MZT2A: variants seen among roughly 807,000 people sequenced by gnomAD.
MZT2A encodes the protein mitotic spindle organizing protein 2A, also known as mitotic-spindle organizing protein 2A.
Under a neutral mutation model 12.4 loss-of-function variants are expected in MZT2A, and 8 were observed. The observed-to-expected ratio is 0.64, with a 90% CI of 0.38 to 1.16. The LOEUF (loss-of-function observed/expected upper bound fraction) is 1.16, where lower values mean the gene tolerates loss of function less well. MZT2A is among the 50% of genes most tolerant of loss of function. The pLI is 0.01. For synonymous variants in MZT2A, 88 were observed against 107.5 expected (o/e 0.82, Z 1.12); for missense variants, 181 against 223.6 (o/e 0.81, Z 1.22).
At position 131,471,960 on chromosome 2, in the gene MZT2A, T is replaced by G; in HGVS notation, c.393+108A>C. The G allele has an allele frequency of 2.9e-6, 3 of 1,051,780 alleles. No homozygotes were observed. The South Asian group carries it at 4.7e-5, about 17-fold the overall frequency. The allele number at this position is 1,051,780 out of a possible 1,614,324, so 65.2% of individuals were successfully genotyped here. On this transcript the variant is annotated intron_variant and NMD_transcript_variant, in intron 3 of 4. Transcript: ENST00000427024. ...GTTGTCCTGCGTGCAGCAGGGACAG[T>G]CCATGAGCAGGAGTCCCAAGGAGGT...
rs185444631 is a variant in MZT2A, at chr2:131,484,868, G to A, written c.320-650C>T. 3.6e-3 allele frequency among the ~76,000 whole-genome samples: 545 copies of A among 152,322 alleles called. 7 individuals are homozygous for A. Among genetic ancestry groups the A allele is most frequent in the African/African-American group, 0.012 (515 of 41,568 alleles). ...CTTGAGACTTTCCTTCTGAACACCA[G>A]AGGCTCTCTCGGATGAAGACCACAG... On this transcript the variant is annotated intron_variant, in intron 2 of 2. Coordinates refer to ENST00000309451, the MANE Select transcript of MZT2A (RefSeq NM_001085365.2).
chr2:131,483,110 C>T (rs1179282174), downstream of MZT2A, among the ~76,000 whole-genome samples: 2 of 152,128 alleles, frequency 1.3e-5, no homozygotes, highest in East Asian at 3.9e-4. Context: ...AATAGTGTTT[C>T]TTCAAAGCCA....
At chr2:131,471,756 G>A (rs1704990881) in intron 3 of MZT2A, among the ~76,000 whole-genome samples, 1 of 151,346 alleles carries the variant, frequency 6.6e-6, no homozygotes, top group Non-Finnish European at 1.5e-5. Flanking sequence ...GCGGGGCTGG[G>A]GGAGTTGCTG....
Position 131,471,119 on chromosome 2 carries a change from C to G in MZT2A, c.394-776G>C, listed in dbSNP as rs1312994319. On this transcript the variant is annotated intron_variant and NMD_transcript_variant, in intron 3 of 4. Transcript: ENST00000427024. ...AGACTGGAAGTGACGAGACCTGGAGCAAGCTGGCAGGGCGGCTCCCACATG... is the reference window on the plus strand; with the variant it reads ...AGACTGGAAGTGACGAGACCTGGAGGAAGCTGGCAGGGCGGCTCCCACATG... Among the ~76,000 whole-genome samples, 3 of 138,402 alleles carry G rather than the reference C, an allele frequency of 2.2e-5. 1 individual carries two copies. Among genetic ancestry groups the G allele is most frequent in the South Asian group, 4.2e-4 (2 of 4,766 alleles). 90.8% of individuals were successfully genotyped at this position (138,402 alleles called of 152,430 possible).
downstream of MZT2A, chr2:131,480,842 C>G (rs1428040547): frequency 2.6e-6 from 4 of 1,521,544 alleles, no homozygotes; most frequent in African/African-American, 1.4e-5. Flanking sequence ...GGAGATTATC[C>G]CTGTTCCATG....
At chr2:131,482,605 G>A (rs1402777356), downstream of MZT2A, 3 of 1,613,968 alleles carry the variant, frequency 1.9e-6, no homozygotes, top group Non-Finnish European at 2.5e-6. Context: ...ACCTGGCCAA[G>A]GTGCAGCGGG....
upstream of MZT2A, chr2:131,492,796 G>GGGGGGGC: frequency 2.3e-6 from 2 of 853,282 alleles, no homozygotes; most frequent in Non-Finnish European, 3.5e-6. Context: ...GGGGTGGGGG[G>GGGGGGGC]CACTAATCAA....
downstream of MZT2A, among the ~76,000 whole-genome samples, chr2:131,483,386 A>T (rs1439706752): frequency 6.6e-6 from 1 of 152,128 alleles, no homozygotes; most frequent in Non-Finnish European, 1.5e-5. Context: ...CAACACACCC[A>T]TGCTGACCCC....
intron 3 of MZT2A, chr2:131,471,945 G>A (rs535988608): frequency 9.3e-5 from 84 of 902,624 alleles, no homozygotes; most frequent in East Asian, 1.4e-4. Flanking sequence ...GTTGTCCTGC[G>A]TGCAGCAGGG....
downstream of MZT2A, among the ~76,000 whole-genome samples, chr2:131,481,561 A>G (rs1294998808): frequency 1.3e-5 from 2 of 151,588 alleles, no homozygotes; most frequent in African/African-American, 4.9e-5. Context: ...CAGCCTCCCA[A>G]GTAGCTGGGA....
Position 131,492,313 on chromosome 2 carries a change from G to A in MZT2A, c.64C>T (p.Arg22Trp), listed in dbSNP as rs575847963. The A allele has an allele frequency of 2.0e-6, 3 of 1,532,282 alleles. No individual in the cohort carries two copies. The highest frequency in any genetic ancestry group is 2.5e-5 in the East Asian group (1 of 39,794). The allele number at this position is 1,532,282 out of a possible 1,614,324, so 94.9% of individuals were successfully genotyped here. The change falls in exon 1 of 3, where the codon CGG (arginine) becomes TGG (tryptophan). Residue 22 changes from arginine to tryptophan, a missense_variant. Physicochemically the swap from Arg to Trp is moderately radical, Grantham distance 101. Coordinates refer to ENST00000309451, the MANE Select transcript of MZT2A (RefSeq NM_001085365.2). ...SAAPPGLEAA[R>W]QKLALRRKKV... ...TTGCGCCGCAGCGCCAGCTTCTGCC[G>A]GGCCGCCTCCAGCCCCGGGGGCGCC...
downstream of MZT2A, chr2:131,482,427 G>C: frequency 7.1e-7 from 1 of 1,413,802 alleles, no homozygotes; most frequent in Non-Finnish European, 9.4e-7. Context: ...GCTTAGTGAC[G>C]TTTGTGAGGT....
chr2:131,479,352 C>A (rs1158541089), downstream of MZT2A: 4 of 1,614,044 alleles, frequency 2.5e-6, no homozygotes, highest in Non-Finnish European at 3.4e-6. Context: ...CCACCCGGAG[C>A]AGCTGATCAC....
intron 2 of MZT2A, among the ~76,000 whole-genome samples, chr2:131,485,571 C>T (rs990627031): frequency 3.3e-5 from 5 of 152,252 alleles, no homozygotes; most frequent in African/African-American, 9.6e-5. Context: ...ACCACCCTGG[C>T]ATTAAGTGTT....
chr2:131,492,810 C>T (rs1320170546), upstream of MZT2A: 11 of 1,430,736 alleles, frequency 7.7e-6, no homozygotes, highest in Admixed American at 4.3e-5. Context: ...TAATCAACAA[C>T]CCTGCTTACG....
At chr2:131,488,704 C>A (rs1218402682) in intron 2 of MZT2A, among the ~76,000 whole-genome samples, 1 of 152,164 alleles carries the variant, frequency 6.6e-6, no homozygotes, top group African/African-American at 2.4e-5. Flanking sequence ...CTCAGCAGCA[C>A]ACGTCTGCCC....
chr2:131,491,407 A>G (rs947801544), intron 2 of MZT2A: 11 of 277,512 alleles, frequency 4.0e-5, no homozygotes, highest in South Asian at 1.2e-4. Flanking sequence ...TGGATGCTGT[A>G]TACCACAGGA....
At chr2:131,490,070 C>G (rs1189803508) in intron 2 of MZT2A, 2 of 854,586 alleles carry the variant, frequency 2.3e-6, no homozygotes, top group East Asian at 2.6e-4. Flanking sequence ...CCTCTCCACC[C>G]TCTCTTGGGC....
upstream of MZT2A, chr2:131,493,023 C>G: frequency 6.7e-7 from 1 of 1,485,850 alleles, no homozygotes; most frequent in South Asian, 1.3e-5. Context: ...GAGGTAGAAG[C>G]GCTTTTCCCG....
Sources: allele counts gnomAD v4.1 joint callset (sites outside exome capture counted in the v4.1 genomes callset), GRCh38; gene constraint gnomAD v4.1.1; transcripts MANE v1.5; gene names NCBI Gene and HGNC (gene_info 2026-07-23, HGNC 2026-07-21).